Variants in KCNQ5 observed in about 807,000 individuals in gnomAD.
The protein encoded by KCNQ5 is potassium voltage-gated channel subfamily KQT member 5.
Under a neutral mutation model 98.2 loss-of-function variants are expected in KCNQ5, and 30 were observed. The observed-to-expected ratio is 0.31, with a 90% CI of 0.23 to 0.41. KCNQ5 has a LOEUF of 0.41. KCNQ5 is among the 10% of genes least tolerant of loss of function. The probability of loss-of-function intolerance (pLI) is 1.00; values close to 1 mark genes in which losing one functional copy is unlikely to be tolerated. For missense variants in KCNQ5, 835 were observed against 1,182.5 expected (o/e 0.71, Z 4.31); for synonymous variants, 458 against 449.4 (o/e 1.02, Z -0.24).
chr6:72,744,836 A>G (rs1771302969), intron 1 of KCNQ5, among the ~76,000 whole-genome samples: 2 of 151,996 alleles, frequency 1.3e-5, no homozygotes, highest in African/African-American at 4.8e-5. Flanking sequence ...GAAAAAGAAA[A>G]AATGGTAAGA....
intron 1 of KCNQ5, among the ~76,000 whole-genome samples, chr6:72,906,678 G>A (rs1779712236): frequency 6.6e-6 from 1 of 152,204 alleles, no homozygotes; most frequent in Non-Finnish European, 1.5e-5. Flanking sequence ...TTTCCCCAGT[G>A]GGGATGTGTG....
At chr6:73,119,632 A>T (rs1045161216) in intron 7 of KCNQ5, among the ~76,000 whole-genome samples, 2 of 152,208 alleles carry the variant, frequency 1.3e-5, no homozygotes, top group South Asian at 4.1e-4. Flanking sequence ...GAAGTATTAC[A>T]TAGTTCAAGG....
At chr6:73,093,763 TGA>T (rs1367544916) in intron 5 of KCNQ5, among the ~76,000 whole-genome samples, 2 of 152,178 alleles carry the variant, frequency 1.3e-5, no homozygotes, top group Non-Finnish European at 2.9e-5. Context: ...CACTGTGGTC[TGA>T]GAGAGTGCTT....
At chr6:72,830,625 A>G (rs1157632966) in intron 1 of KCNQ5, among the ~76,000 whole-genome samples, 4 of 152,236 alleles carry the variant, frequency 2.6e-5, no homozygotes, top group Admixed American at 6.6e-5. Flanking sequence ...TAAAAACCAT[A>G]AAAACCCTAG....
chr6:72,889,247 T>G (rs1195340407), intron 1 of KCNQ5, among the ~76,000 whole-genome samples: 9 of 152,132 alleles, frequency 5.9e-5, no homozygotes. Flanking sequence ...GGAGTGTGAT[T>G]GTGCTTGGTG....
intron 1 of KCNQ5, among the ~76,000 whole-genome samples, chr6:72,999,865 A>C (rs946748963): frequency 3.3e-5 from 5 of 152,222 alleles, no homozygotes; most frequent in Admixed American, 1.3e-4. Flanking sequence ...ACAACTGTAA[A>C]ATGAGATTTT....
At chr6:72,838,725 C>T (rs1342596304) in intron 1 of KCNQ5, among the ~76,000 whole-genome samples, 3 of 151,532 alleles carry the variant, frequency 2.0e-5, no homozygotes, top group East Asian at 1.9e-4. Context: ...CCGAGGCGGG[C>T]GGATCACGAG....
intron 1 of KCNQ5, among the ~76,000 whole-genome samples, chr6:72,794,511 A>C (rs1774224423): frequency 6.6e-6 from 1 of 152,212 alleles, no homozygotes; most frequent in African/African-American, 2.4e-5. Flanking sequence ...TGTCATTTTT[A>C]AAGACTGATA....
intron 1 of KCNQ5, among the ~76,000 whole-genome samples, chr6:72,717,847 A>C (rs776080730): frequency 4.1e-4 from 62 of 152,182 alleles, no homozygotes; most frequent in Non-Finnish European, 8.5e-4. Flanking sequence ...AGCACTAAGG[A>C]GGTGTTTGAA....
chr6:73,047,511 G>A (rs942403859), intron 3 of KCNQ5, among the ~76,000 whole-genome samples: 1 of 152,134 alleles, frequency 6.6e-6, no homozygotes, highest in Non-Finnish European at 1.5e-5. Flanking sequence ...TGTTGACCTG[G>A]TACACAAACT....
At chr6:72,748,996 C>T (rs1425883699) in intron 1 of KCNQ5, among the ~76,000 whole-genome samples, 6 of 152,156 alleles carry the variant, frequency 3.9e-5, no homozygotes, top group Non-Finnish European at 8.8e-5. Context: ...ATGGTTCACC[C>T]ACTCCCTGAC....
chr6:72,779,201 TA>T (rs1773322108), intron 1 of KCNQ5, among the ~76,000 whole-genome samples: 1 of 152,142 alleles, frequency 6.6e-6, no homozygotes, highest in African/African-American at 2.4e-5. Context: ...GATGCCCCCC[TA>T]GAAAGCTGGT....
intron 1 of KCNQ5, among the ~76,000 whole-genome samples, chr6:72,826,982 C>G (rs769900808): frequency 6.6e-6 from 1 of 152,130 alleles, no homozygotes; most frequent in African/African-American, 2.4e-5. Flanking sequence ...TGGTGTTTAA[C>G]TTTATGTTCC....
At chr6:73,114,388 G>A (rs1272045544) in intron 7 of KCNQ5, among the ~76,000 whole-genome samples, 1 of 152,152 alleles carries the variant, frequency 6.6e-6, no homozygotes, top group African/African-American at 2.4e-5. Flanking sequence ...CATTTGGTTG[G>A]TGAGAGAACT....
intron 11 of KCNQ5, among the ~76,000 whole-genome samples, chr6:73,188,402 A>G (rs1765460229): frequency 6.6e-6 from 1 of 152,212 alleles, no homozygotes; most frequent in Non-Finnish European, 1.5e-5. Flanking sequence ...CAGCAAAACC[A>G]CCTTGGGATA....
At chr6:72,950,059 G>A (rs1333533737) in intron 1 of KCNQ5, among the ~76,000 whole-genome samples, 3 of 152,026 alleles carry the variant, frequency 2.0e-5, no homozygotes, top group Non-Finnish European at 2.9e-5. Context: ...TTCAGGAGCA[G>A]AATTAGTATA....
At chr6:72,689,120 A>G (rs775859057) in intron 1 of KCNQ5, among the ~76,000 whole-genome samples, 16 of 152,218 alleles carry the variant, frequency 1.1e-4, no homozygotes, top group Non-Finnish European at 2.2e-4. Flanking sequence ...TTGAGGTTTA[A>G]AGTAAATGAA....
At chr6:72,736,121 A>G (rs1770818363) in intron 1 of KCNQ5, among the ~76,000 whole-genome samples, 2 of 151,848 alleles carry the variant, frequency 1.3e-5, no homozygotes, top group Admixed American at 6.6e-5. Context: ...GGATTCCCCA[A>G]TTCAAATTTT....
intron 5 of KCNQ5, among the ~76,000 whole-genome samples, chr6:73,102,993 A>G (rs1774851206): frequency 6.6e-6 from 1 of 152,216 alleles, no homozygotes; most frequent in Non-Finnish European, 1.5e-5. Context: ...TCAAAGAGAT[A>G]TCTGCACTCT....
Sources: gnomAD v4.1 joint callset for allele counts (sites outside exome capture counted in the v4.1 genomes callset) on GRCh38, gnomAD v4.1.1 for gene constraint, MANE v1.5 for transcripts, NCBI Gene and HGNC (gene_info 2026-07-23, HGNC 2026-07-21) for gene names.